Variants in KCNJ10 observed in about 807,000 individuals in gnomAD.
KCNJ10 encodes the protein potassium inwardly rectifying channel subfamily J member 10.
KCNJ10 carries 9 observed loss-of-function variants against 22.2 expected under a neutral mutation model. That is an observed-to-expected ratio of 0.40 (90% CI 0.24 to 0.71). The LOEUF (loss-of-function observed/expected upper bound fraction) is 0.71, where lower values mean the gene tolerates loss of function less well. Among genes scored for constraint, KCNJ10 ranks in the 30% least tolerant of loss-of-function variants. KCNJ10 has a pLI of 0.35. For synonymous variants in KCNJ10, 184 were observed against 187.3 expected, an observed-to-expected ratio of 0.98 and a Z score of 0.15; for missense variants, 337 against 482.7, an observed-to-expected ratio of 0.70 and a Z score of 2.83.
intron 1 of KCNJ10, among the ~76,000 whole-genome samples, chr1:160,054,579 C>T (rs1469283061): frequency 3.9e-5 from 6 of 152,156 alleles, no homozygotes; most frequent in African/African-American, 1.2e-4. Flanking sequence ...GAAAAGGTTC[C>T]GAAGGACACT....
At position 160,041,313 on chromosome 1, in the gene KCNJ10, T is replaced by C; in HGVS notation, c.*80A>G. On this transcript the variant is annotated 3_prime_UTR_variant, in exon 2 of 2. Transcript: ENST00000644903. The surrounding 1 kb of genome is among the most constrained non-coding windows in gnomAD (Gnocchi z 4.4). ...GATGGGTGCTTCGGGGGATCTCCAG[T>C]AAACCCGGGTAGTATTCCTTACCAG... 2.9e-6 allele frequency: 4 copies of C among 1,401,148 alleles called. No individual in the cohort carries two copies. In the Admixed American group the frequency reaches 7.6e-5, roughly 27 times the overall value. 86.8% of individuals were successfully genotyped at this position (1,401,148 alleles called of 1,614,324 possible). A position where few individuals can be genotyped will look rare whatever the true frequency, so the allele number is the denominator to read the frequency against.
At chr1:160,061,601 G>A (rs1277009373) in intron 1 of KCNJ10, among the ~76,000 whole-genome samples, 2 of 151,900 alleles carry the variant, frequency 1.3e-5, no homozygotes, top group Non-Finnish European at 2.9e-5. Context: ...CTGGGGCAGC[G>A]GGACATTCTT....
At chr1:160,050,454 A>C (rs1388304838) in intron 1 of KCNJ10, among the ~76,000 whole-genome samples, 1 of 152,018 alleles carries the variant, frequency 6.6e-6, no homozygotes, top group Non-Finnish European at 1.5e-5. Flanking sequence ...TTTTTTTTCC[A>C]GCAACTACTG....
At chr1:160,058,678 G>A (rs1649104349) in intron 1 of KCNJ10, among the ~76,000 whole-genome samples, 1 of 152,066 alleles carries the variant, frequency 6.6e-6, no homozygotes, top group Admixed American at 6.5e-5. Context: ...TATCTCTGAA[G>A]TCCCTAGAAT....
intron 1 of KCNJ10, among the ~76,000 whole-genome samples, chr1:160,054,409 A>G (rs1195071184): frequency 1.3e-5 from 2 of 152,182 alleles, no homozygotes; most frequent in Non-Finnish European, 2.9e-5. Context: ...ACCTCAGAAG[A>G]ACATCTACTG....
intron 1 of KCNJ10, among the ~76,000 whole-genome samples, chr1:160,051,299 G>A (rs374291886): frequency 1.3e-5 from 2 of 152,238 alleles, no homozygotes; most frequent in African/African-American, 2.4e-5. Flanking sequence ...TCTTGCAAAT[G>A]TTTGGTTCAG....
intron 1 of KCNJ10, among the ~76,000 whole-genome samples, chr1:160,056,467 T>C (rs1334971040): frequency 3.3e-5 from 5 of 152,174 alleles, no homozygotes; most frequent in Non-Finnish European, 5.9e-5. Flanking sequence ...TCGCTCTACC[T>C]AGAACATCCT....
At chr1:160,049,642 G>T (rs781756780) in intron 1 of KCNJ10, among the ~76,000 whole-genome samples, 12 of 124,584 alleles carry the variant, frequency 9.6e-5, no homozygotes, top group Non-Finnish European at 1.8e-4. Context: ...TACAAATAAG[G>T]TCATTGAAAG....
At position 160,049,678 on chromosome 1, in the gene KCNJ10, TATATATATATATATATA is replaced by T. The variant is rs1648839095; in HGVS notation, c.1-7163_1-7147del. ...AAGGATCCAGCATTTTATTTATTTATATATATATATATATATATATATATATATATATATATATATAT... is the reference window on the plus strand; with the variant it reads ...AAGGATCCAGCATTTTATTTATTTATTATATATATATATATATATATATAT... On this transcript the variant is annotated intron_variant, in intron 1 of 1. Transcript: ENST00000644903. Among the ~76,000 whole-genome samples, 7 of 51,986 alleles carry T rather than the reference TATATATATATATATATA, an allele frequency of 1.3e-4. 1 individual carries two copies. Among genetic ancestry groups the T allele is most frequent in the South Asian group, 7.6e-4 (1 of 1,314 alleles). The allele number at this position is 51,986 out of a possible 152,430, so 34.1% of individuals were successfully genotyped here. A position where few individuals can be genotyped will look rare whatever the true frequency, so the allele number is the denominator to read the frequency against.
At chr1:160,052,528 A>G (rs2101930085) in intron 1 of KCNJ10, among the ~76,000 whole-genome samples, 1 of 152,334 alleles carries the variant, frequency 6.6e-6, no homozygotes, top group Non-Finnish European at 1.5e-5. Context: ...AGCACCTGAG[A>G]TTAGGCTGGT....
chr1:160,051,525 C>A (rs1030846592), intron 1 of KCNJ10, among the ~76,000 whole-genome samples: 1 of 152,054 alleles, frequency 6.6e-6, no homozygotes, highest in African/African-American at 2.4e-5. Flanking sequence ...AAAGTCCTTT[C>A]CACCATTACT....
At chr1:160,046,005 T>C (rs1571267647) in intron 1 of KCNJ10, among the ~76,000 whole-genome samples, 1 of 152,206 alleles carries the variant, frequency 6.6e-6, no homozygotes, top group African/African-American at 2.4e-5. Flanking sequence ...AGATAAAAGC[T>C]TTGGATGGGA....
rs1648629565 is a variant in KCNJ10 at position 160,042,355 on chromosome 1, T to C, written c.178A>G (p.Ile60Val). Residue 60 changes from isoleucine to valine, a missense_variant, in exon 2 of 2, where the codon ATT (isoleucine) becomes GTT (valine). Around this residue, in one of 3 missense-constraint regions of KCNJ10, gnomAD observed 107 missense variants for 135.2 expected, o/e 0.79. Transcript: ENST00000644903. ...LYLKDLWTTF[I>V]DMQWRYKLLL... ...AGCTTGTAGCGCCACTGCATGTCAA[T>C]GAAGGTTGTCCACAGGTCCTTGAGG... is the stretch of plus-strand genomic sequence containing the variant. 7 of 1,613,226 alleles carry C rather than the reference T, an allele frequency of 4.3e-6. No individual in the cohort carries two copies. In the South Asian group the frequency reaches 5.5e-5, roughly 13 times the overall value.
chr1:160,060,501 T>G (rs1649156243), intron 1 of KCNJ10, among the ~76,000 whole-genome samples: 1 of 151,350 alleles, frequency 6.6e-6, no homozygotes, highest in Non-Finnish European at 1.5e-5. Context: ...GGAGAAGGAG[T>G]AGAAGGGCCC....
intron 1 of KCNJ10, among the ~76,000 whole-genome samples, chr1:160,069,494 AG>A (rs1012492101): frequency 6.6e-6 from 1 of 152,168 alleles, no homozygotes; most frequent in Admixed American, 6.5e-5. Context: ...TTGGGTGGGC[AG>A]GGGTCTGGAG....
Position 160,041,606 on chromosome 1 carries a change from G to A in KCNJ10, c.927C>T (p.Tyr309=), listed in dbSNP as rs775091787. 3.4e-5 allele frequency: 55 copies of A among 1,614,152 alleles called. No individual in the cohort carries two copies. The highest frequency in any genetic ancestry group is 1.6e-4 in the East Asian group (7 of 44,884). The change falls in exon 2 of 2, where the codon TAC becomes TAT. Residue 309 remains tyrosine (Y), a synonymous_variant. Transcript: ENST00000644903. The surrounding 1 kb of genome is among the most constrained non-coding windows in gnomAD (Gnocchi z 4.4). ...SYLPEEILWG[Y]EFTPAISLSA... ...ACAGTGAGATGGCAGGTGTGAACTC[G>A]TAGCCCCAAAGGATCTCCTCTGGCA...
intron 1 of KCNJ10, among the ~76,000 whole-genome samples, chr1:160,053,992 T>C (rs1254380799): frequency 6.6e-6 from 1 of 152,080 alleles, no homozygotes; most frequent in Non-Finnish European, 1.5e-5. Flanking sequence ...CCACTGCCCC[T>C]TCCTCCACCT....
chr1:160,049,846 C>T (rs1342153804), intron 1 of KCNJ10, among the ~76,000 whole-genome samples: 1 of 151,112 alleles, frequency 6.6e-6, no homozygotes, highest in Admixed American at 6.6e-5. Context: ...TAACTGACTC[C>T]ATCATCATAG....
intron 1 of KCNJ10, among the ~76,000 whole-genome samples, chr1:160,047,218 A>G (rs1238904583): frequency 6.6e-6 from 1 of 152,190 alleles, no homozygotes; most frequent in Non-Finnish European, 1.5e-5. Flanking sequence ...TTCTTGAGTA[A>G]GGACACTGTT....
Sources: gnomAD v4.1 joint callset for allele counts (sites outside exome capture counted in the v4.1 genomes callset) on GRCh38, gnomAD v4.1.1 for gene constraint, gnomAD v4.1.1 regional missense constraint, Gnocchi (gnomAD v3.1) non-coding constraint, MANE v1.5 for transcripts, NCBI Gene and HGNC (gene_info 2026-07-23, HGNC 2026-07-21) for gene names.